ELL2: variants seen among roughly 807,000 people sequenced by gnomAD.
ELL2 encodes the protein elongation factor for RNA polymerase II 2.
A neutral mutation model predicts 72.8 loss-of-function variants in ELL2; 21 were observed. The ratio of observed to expected loss-of-function variants is 0.29; its 90% CI spans 0.20 to 0.42. ELL2 has a LOEUF of 0.42. Among genes scored for constraint, ELL2 ranks in the 10% least tolerant of loss-of-function variants. The pLI is 1.00. For missense variants in ELL2, 568 were observed against 772.8 expected, an observed-to-expected ratio of 0.73 and a Z score of 3.14; for synonymous variants, 266 against 283.2, an observed-to-expected ratio of 0.94 and a Z score of 0.61.
At chr5:95,913,961 A>G in intron 3 of ELL2, 27 bp from the exon 4 acceptor site, 1 of 1,556,186 alleles carries the variant, frequency 6.4e-7, no homozygotes, top group Non-Finnish European at 8.7e-7. Flanking sequence ...TGGCTTTGTT[A>G]GACATGACCT....
rs769477494 is a variant in ELL2, at chr5:95,919,572, G to A, written c.196-27C>T. ...TAAAATGAGGGGAAAAGAGAGAAAC[G>A]CCTCAAATTATAAATTTGCCATAGA... On this transcript the variant is annotated intron_variant, in intron 2 of 11. Transcript: ENST00000237853. 1.2e-5 allele frequency: 18 copies of A among 1,528,714 alleles called. 1 individual carries two copies. The highest frequency in any genetic ancestry group is 1.7e-4 in the Middle Eastern group (1 of 5,748). The allele number at this position is 1,528,714 out of a possible 1,614,324, so 94.7% of individuals were successfully genotyped here.
intron 2 of ELL2, among the ~76,000 whole-genome samples, chr5:95,928,382 CA>C (rs1750473225): frequency 6.6e-6 from 1 of 152,184 alleles, no homozygotes; most frequent in Non-Finnish European, 1.5e-5. Flanking sequence ...CATAAAGCTG[CA>C]TTTCATTTTT....
chr5:95,948,323 G>GGGAGGCTGAGGCA (rs1350555982), intron 1 of ELL2, among the ~76,000 whole-genome samples: 1 of 151,316 alleles, frequency 6.6e-6, no homozygotes, highest in Non-Finnish European at 1.5e-5. Context: ...GCAGCTACTC[G>GGGAGGCTGAGGCA]GGAGGCTGAG....
chr5:95,956,168 T>C (rs1304508767), intron 1 of ELL2, among the ~76,000 whole-genome samples: 1 of 152,186 alleles, frequency 6.6e-6, no homozygotes, highest in Admixed American at 6.5e-5. Flanking sequence ...CCTTCACATA[T>C]GTTCTTTCTT....
At chr5:95,924,006 AG>A (rs1750193688) in intron 2 of ELL2, among the ~76,000 whole-genome samples, 1 of 152,210 alleles carries the variant, frequency 6.6e-6, no homozygotes, top group Admixed American at 6.5e-5. Flanking sequence ...TATTGGAAAG[AG>A]CAGGTAATAT....
intron 4 of ELL2, among the ~76,000 whole-genome samples, chr5:95,909,144 T>C (rs2112294392): frequency 6.6e-6 from 1 of 152,226 alleles, no homozygotes; most frequent in East Asian, 1.9e-4. Flanking sequence ...GAGGCTAACT[T>C]TGCCCTTAAA....
chr5:95,951,835 G>A (rs562424124), intron 1 of ELL2, among the ~76,000 whole-genome samples: 21 of 152,336 alleles, frequency 1.4e-4, no homozygotes, highest in African/African-American at 4.6e-4. Flanking sequence ...GCAGTAATGG[G>A]TGGGGTTAGA....
chr5:95,889,216 T>C lies in ELL2; in HGVS notation c.1762-86A>G, dbSNP rs192818399. The C allele has an allele frequency of 3.8e-4, 395 of 1,028,832 alleles. 2 individuals carry two copies. The highest frequency in any genetic ancestry group is 1.5e-3 in the Admixed American group (63 of 43,238). 63.7% of individuals were successfully genotyped at this position (1,028,832 alleles called of 1,614,324 possible). A position where few individuals can be genotyped will look rare whatever the true frequency, so the allele number is the denominator to read the frequency against. Reference sequence around the variant, plus strand: ...ATAGATAACATGCATTCAGCAAGAGTATAGGAAATATTGACTGTGGGAATG... The same window carrying C: ...ATAGATAACATGCATTCAGCAAGAGCATAGGAAATATTGACTGTGGGAATG... On this transcript the variant is annotated intron_variant, in intron 10 of 11. Coordinates refer to ENST00000237853, the MANE Select transcript of ELL2 (RefSeq NM_012081.6).
chr5:95,918,053 C>T (rs1469012476), intron 3 of ELL2, among the ~76,000 whole-genome samples: 1 of 151,836 alleles, frequency 6.6e-6, no homozygotes, highest in Non-Finnish European at 1.5e-5. Context: ...AGCTACATAA[C>T]TCTGGATAAA....
At chr5:95,910,604 A>G (rs1335755902) in intron 4 of ELL2, among the ~76,000 whole-genome samples, 1 of 152,166 alleles carries the variant, frequency 6.6e-6, no homozygotes, top group Non-Finnish European at 1.5e-5. Flanking sequence ...AGAGGGTTGC[A>G]GAAACTCATA....
At chr5:95,893,505 C>T (rs896354027) in intron 9 of ELL2, among the ~76,000 whole-genome samples, 6 of 152,166 alleles carry the variant, frequency 3.9e-5, no homozygotes, top group South Asian at 2.1e-4. Context: ...CTGCCTCAGC[C>T]TCCTCAGTAG....
At chr5:95,907,336 TAAAAC>T (rs1253818511) in intron 4 of ELL2, among the ~76,000 whole-genome samples, 1 of 136,992 alleles carries the variant, frequency 7.3e-6, no homozygotes, top group Non-Finnish European at 1.5e-5. Flanking sequence ...TTAGGATTCA[TAAAAC>T]AAAACTAACC....
chr5:95,932,196 A>C (rs1750626753), intron 2 of ELL2, among the ~76,000 whole-genome samples: 1 of 152,168 alleles, frequency 6.6e-6, no homozygotes, highest in South Asian at 2.1e-4. Flanking sequence ...AACTATTTCT[A>C]ATTTCACATG....
intron 2 of ELL2, among the ~76,000 whole-genome samples, chr5:95,935,553 A>G (rs761686144): frequency 1.3e-5 from 2 of 152,190 alleles, no homozygotes; most frequent in African/African-American, 2.4e-5. Flanking sequence ...GGTTCCAGGT[A>G]TAATTAAACC....
At chr5:95,910,065 T>A (rs1749524580) in intron 4 of ELL2, among the ~76,000 whole-genome samples, 1 of 152,232 alleles carries the variant, frequency 6.6e-6, no homozygotes, top group Non-Finnish European at 1.5e-5. Context: ...CATTTGTGAC[T>A]ACTTTTTCAA....
intron 1 of ELL2, among the ~76,000 whole-genome samples, 190 bp from the exon 2 acceptor site, chr5:95,943,239 A>G (rs1256258267): frequency 6.6e-6 from 1 of 151,316 alleles, no homozygotes; most frequent in East Asian, 1.9e-4. Context: ...TGGGCAATAC[A>G]GTGAGACCTC....
intron 1 of ELL2, among the ~76,000 whole-genome samples, chr5:95,953,154 T>C (rs542091005): frequency 1.3e-5 from 2 of 152,334 alleles, no homozygotes; most frequent in African/African-American, 4.8e-5. Context: ...GTGTTCATTT[T>C]TTTTCACATT....
chr5:95,894,547 C>T (rs932661971), intron 9 of ELL2, among the ~76,000 whole-genome samples: 1 of 152,122 alleles, frequency 6.6e-6, no homozygotes, highest in African/African-American at 2.4e-5. Flanking sequence ...CTGACCCTTC[C>T]TGGGCCAACT....
chr5:95,950,488 T>C (rs1402423053), intron 1 of ELL2, among the ~76,000 whole-genome samples: 5 of 152,196 alleles, frequency 3.3e-5, no homozygotes, highest in Non-Finnish European at 5.9e-5. Context: ...CACTCAGCTC[T>C]TGTTAAAAGC....
Sources: gnomAD v4.1 joint callset for allele counts (sites outside exome capture counted in the v4.1 genomes callset) on GRCh38, gnomAD v4.1.1 for gene constraint, MANE v1.5 for transcripts, NCBI Gene and HGNC (gene_info 2026-07-23, HGNC 2026-07-21) for gene names.